Variants in PDE4D observed in about 807,000 individuals in gnomAD.
PDE4D encodes phosphodiesterase 4D.
In PDE4D, 24 loss-of-function variants were observed where a neutral mutation model predicts 87.4. The observed-to-expected ratio is 0.27, with a 90% CI of 0.20 to 0.39. PDE4D has a LOEUF of 0.39. Ranked by LOEUF, PDE4D falls within the 10% of genes least tolerant of loss-of-function variation. The pLI is 1.00. For missense variants in PDE4D, 714 were observed against 1,041.0 expected (o/e 0.69, Z 4.32); for synonymous variants, 384 against 383.2 (o/e 1.00, Z -0.02).
rs141677061 is a variant in PDE4D, at chr5:59,646,984, G to A, written c.455+246184C>T. ...CGGGAGGTGGAGGTTGCAGTGAGCCGAGATCACGCCACTGCACTCCAGCCT... is the reference window on the plus strand; with the variant it reads ...CGGGAGGTGGAGGTTGCAGTGAGCCAAGATCACGCCACTGCACTCCAGCCT... On this transcript the variant is annotated intron_variant, in intron 1 of 14. Coordinates refer to ENST00000340635, the MANE Select transcript of PDE4D (RefSeq NM_001104631.2). Among the ~76,000 whole-genome samples the A allele has an allele frequency of 3.8e-3, 571 of 152,170 alleles. 2 individuals are homozygous for A. Among genetic ancestry groups the A allele is most frequent in the African/African-American group, 0.012 (510 of 41,502 alleles).
rs942462192 is a variant in PDE4D at position 59,029,926 on chromosome 5, C to T, written c.921+8933G>A. 2.7e-5 allele frequency among the ~76,000 whole-genome samples: 4 copies of T among 148,614 alleles called. 1 individual carries two copies. Among genetic ancestry groups the T allele is most frequent in the African/African-American group, 1.0e-4 (4 of 40,106 alleles). ...ATTTTTGACAAAGGGTCCAAGAACA[C>T]ACAATGGAGAGAGGACAGTCTCTTC... On this transcript the variant is annotated intron_variant, in intron 6 of 14. Transcript: ENST00000340635.
At chr5:59,887,720 A>AGTGTGTGTGTGTGTGTGTTTGTGT (rs1359796574) in intron 1 of PDE4D, among the ~76,000 whole-genome samples, 2 of 150,774 alleles carry the variant, frequency 1.3e-5, no homozygotes, top group African/African-American at 4.9e-5. Context: ...GCAAGCCATC[A>AGTGTGTGTGTGTGTGTGTTTGTGT]GTGTGTGTGT....
intron 2 of PDE4D, among the ~76,000 whole-genome samples, chr5:60,158,068 A>T (rs1782146153): frequency 6.6e-6 from 1 of 152,162 alleles, no homozygotes; most frequent in African/African-American, 2.4e-5. Context: ...TATTGTGAGG[A>T]TTGCATGAGT....
chr5:60,302,660 A>G (rs1562303151), intron 1 of PDE4D, among the ~76,000 whole-genome samples: 2 of 151,958 alleles, frequency 1.3e-5, no homozygotes, highest in Non-Finnish European at 2.9e-5. Context: ...TTGTGTCTCT[A>G]TCCCCTTCAA....
intron 6 of PDE4D, among the ~76,000 whole-genome samples, chr5:59,024,192 G>T (rs1755780092): frequency 7.4e-6 from 1 of 135,086 alleles, no homozygotes; most frequent in Non-Finnish European, 1.5e-5. Context: ...ATGCCCAGCT[G>T]AATTCTACTT....
At chr5:59,717,742 C>T (rs1755231830) in intron 1 of PDE4D, among the ~76,000 whole-genome samples, 1 of 152,100 alleles carries the variant, frequency 6.6e-6, no homozygotes, top group African/African-American at 2.4e-5. Flanking sequence ...ACAGACAAGC[C>T]CTTGACAAAA....
chr5:59,706,887 C>T (rs1269434945), intron 1 of PDE4D, among the ~76,000 whole-genome samples: 1 of 152,014 alleles, frequency 6.6e-6, no homozygotes, highest in Admixed American at 6.6e-5. Flanking sequence ...AAATGGTATC[C>T]ACATCAGTGA....
intron 1 of PDE4D, chr5:60,460,074 A>G (rs1746804960): frequency 1.2e-6 from 2 of 1,600,824 alleles, no homozygotes; most frequent in Middle Eastern, 2.3e-4. Flanking sequence ...ATAACTCATC[A>G]GCACCTGCAT....
Position 60,163,842 on chromosome 5 carries a change from A to T in PDE4D, c.42+21715T>A, listed in dbSNP as rs1342333280. On this transcript the variant is annotated intron_variant, in intron 2 of 16. Transcript: ENST00000502484. ...TGGAAAGAAAATATTGGCTTTGAAT[A>T]CAAATGAAAAGAAGAAGCCTGGCCC... 2.0e-5 allele frequency among the ~76,000 whole-genome samples: 3 copies of T among 152,202 alleles called. No homozygotes were observed. In the East Asian group the frequency reaches 5.8e-4, roughly 29 times the overall value.
chr5:60,422,786 T>C (rs1159885560), intron 1 of PDE4D, among the ~76,000 whole-genome samples: 4 of 152,212 alleles, frequency 2.6e-5, no homozygotes, highest in South Asian at 2.1e-4. Flanking sequence ...CAGTGTGCTG[T>C]ATTCAGGAGA....
chr5:59,116,021 T>A (rs1773549274), intron 5 of PDE4D, among the ~76,000 whole-genome samples: 1 of 152,198 alleles, frequency 6.6e-6, no homozygotes, highest in African/African-American at 2.4e-5. Context: ...ACATTTCTTA[T>A]CTCAGTCGAT....
intron 1 of PDE4D, among the ~76,000 whole-genome samples, chr5:59,557,775 A>C (rs935887322): frequency 1.3e-5 from 2 of 152,222 alleles, no homozygotes; most frequent in Non-Finnish European, 2.9e-5. Flanking sequence ...CACAATGCTA[A>C]ACATGAATCA....
intron 1 of PDE4D, among the ~76,000 whole-genome samples, chr5:59,419,960 A>G (rs74937143): frequency 0.026 from 3,970 of 152,278 alleles, 111 homozygotes; most frequent in Admixed American, 0.077. Flanking sequence ...GTAGATCCAC[A>G]TCTCCTACCT....
At chr5:59,476,721 G>A (rs1438633611) in intron 1 of PDE4D, among the ~76,000 whole-genome samples, 2 of 152,014 alleles carry the variant, frequency 1.3e-5, no homozygotes, top group African/African-American at 4.8e-5. Flanking sequence ...TTGGAAAACT[G>A]CATTGCATGT....
chr5:60,378,662 A>C (rs567152483), intron 1 of PDE4D, among the ~76,000 whole-genome samples: 39 of 151,892 alleles, frequency 2.6e-4, no homozygotes, highest in Middle Eastern at 6.8e-3. Context: ...GACCAGCCTG[A>C]CCAACATGGT....
At chr5:59,787,705 T>C (rs533383149) in intron 1 of PDE4D, among the ~76,000 whole-genome samples, 22 of 152,340 alleles carry the variant, frequency 1.4e-4, no homozygotes, top group African/African-American at 5.1e-4. Flanking sequence ...CTAGAAAATA[T>C]ACCAATTAGC....
At chr5:58,983,424 A>G (rs923343975) in intron 11 of PDE4D, among the ~76,000 whole-genome samples, 1 of 152,224 alleles carries the variant, frequency 6.6e-6, no homozygotes, top group African/African-American at 2.4e-5. Context: ...AATGTCGTAC[A>G]TGCCCAACAT....
At chr5:59,176,410 CG>C (rs2153475927) in intron 5 of PDE4D, among the ~76,000 whole-genome samples, 1 of 152,022 alleles carries the variant, frequency 6.6e-6, no homozygotes, top group South Asian at 2.1e-4. Flanking sequence ...AAAAGTTAGC[CG>C]GGCGTGGTGG....
chr5:59,441,518 G>A (rs554708524), intron 1 of PDE4D, among the ~76,000 whole-genome samples: 4 of 152,230 alleles, frequency 2.6e-5, no homozygotes, highest in African/African-American at 9.6e-5. Context: ...ATTCCCAGAT[G>A]CTTCACCATC....
Sources: allele counts gnomAD v4.1 joint callset (sites outside exome capture counted in the v4.1 genomes callset), GRCh38; gene constraint gnomAD v4.1.1; transcripts MANE v1.5; gene names NCBI Gene and HGNC (gene_info 2026-07-23, HGNC 2026-07-21).